Variants in RET observed in about 807,000 individuals in gnomAD.
RET encodes ret proto-oncogene, also known as proto-oncogene tyrosine-protein kinase receptor Ret.
In RET, 19 loss-of-function variants were observed where a neutral mutation model predicts 118.3. The ratio of observed to expected loss-of-function variants is 0.16; its 90% CI spans 0.11 to 0.24. RET has a LOEUF of 0.24. RET is among the 10% of genes least tolerant of loss of function. The pLI is 1.00. For synonymous variants in RET, 597 were observed against 644.1 expected, an observed-to-expected ratio of 0.93 and a Z score of 1.11; for missense variants, 1,219 against 1,502.1, an observed-to-expected ratio of 0.81 and a Z score of 3.12.
intron 5 of RET, among the ~76,000 whole-genome samples, chr10:43,107,791 A>T (rs1056405425): frequency 1.3e-5 from 2 of 152,192 alleles, no homozygotes; most frequent in Non-Finnish European, 2.9e-5. Flanking sequence ...AAGCAAGGAC[A>T]TAAATCAACA....
At chr10:43,086,384 C>T (rs1378185512) in intron 1 of RET, among the ~76,000 whole-genome samples, 1 of 152,210 alleles carries the variant, frequency 6.6e-6, no homozygotes, top group East Asian at 1.9e-4. Flanking sequence ...ACCATCTCAG[C>T]TTGAGGAACA....
chr10:43,104,884 C>G, intron 3 of RET, 68 bp from the exon 4 acceptor site: 1 of 1,532,502 alleles, frequency 6.5e-7, no homozygotes, highest in South Asian at 1.2e-5. Context: ...GAGCCCCCTT[C>G]CCGAGGAAAG....
At chr10:43,104,118 C>T (rs939394812) in intron 3 of RET, among the ~76,000 whole-genome samples, 1 of 152,154 alleles carries the variant, frequency 6.6e-6, no homozygotes. Context: ...AGCCTGGCGA[C>T]GCACTGGACA....
chr10:43,105,339 C>G (rs1837745296), intron 4 of RET, 146 bp downstream of exon 4: 1 of 1,297,972 alleles, frequency 7.7e-7, no homozygotes, highest in South Asian at 1.3e-5. Context: ...TCTGCGCCGT[C>G]TGTCCTAGGG....
In RET at chr10:43,130,341, G is replaced by A. The variant is rs542427089; in HGVS notation, c.*2072G>A. The stretch of plus-strand genomic sequence containing the variant: ...AAATCAGTTGTGTAAATAAAATCAT[G>A]TATCATAAAATGTGTAAACTTTTTT... On this transcript the variant is annotated 3_prime_UTR_variant, in exon 20 of 20. Coordinates refer to ENST00000355710, the MANE Select transcript of RET (RefSeq NM_020975.6). The A allele has an allele frequency of 3.5e-6, 1 of 288,034 alleles. No individual in the cohort carries two copies. Among genetic ancestry groups the A allele is most frequent in the Non-Finnish European group, 6.4e-6 (1 of 156,314 alleles). 17.8% of individuals were successfully genotyped at this position (288,034 alleles called of 1,614,324 possible). A position where few individuals can be genotyped will look rare whatever the true frequency, so the allele number is the denominator to read the frequency against.
Position 43,093,880 on chromosome 10 carries a change from G to C in RET, c.74-6579G>C, listed in dbSNP as rs560089355. Among the ~76,000 whole-genome samples, 49 of 152,244 alleles carry C rather than the reference G, an allele frequency of 3.2e-4. 1 individual carries two copies. The South Asian group carries it at 7.1e-3, about 22-fold the overall frequency. Reference sequence around the variant, plus strand: ...CGTCAAAAAATGAGGCAAGAAGAAGGCCAGGCGCAGGCTCCTGCTGGTGGG... The same window carrying C: ...CGTCAAAAAATGAGGCAAGAAGAAGCCCAGGCGCAGGCTCCTGCTGGTGGG... On this transcript the variant is annotated intron_variant, in intron 1 of 19. Coordinates refer to ENST00000355710, the MANE Select transcript of RET (RefSeq NM_020975.6).
chr10:43,121,879 TCTC>T, intron 15 of RET, 64 bp from the exon 16 acceptor site: 1 of 1,255,230 alleles, frequency 8.0e-7, no homozygotes, highest in South Asian at 1.2e-5. Context: ...GGCCTGGCCT[TCTC>T]CTTTACCCCT....
At chr10:43,088,936 C>T (rs748477524) in intron 1 of RET, among the ~76,000 whole-genome samples, 81 of 152,352 alleles carry the variant, frequency 5.3e-4, no homozygotes, top group Middle Eastern at 3.4e-3. Context: ...CCTCCTTTCA[C>T]TCTGGCTCTG....
chr10:43,121,837 C>A, intron 15 of RET, 109 bp from the exon 16 acceptor site: 1 of 818,052 alleles, frequency 1.2e-6, no homozygotes, highest in South Asian at 1.3e-5. Flanking sequence ...GTGTCTACAG[C>A]ACTCCTCTGG....
At position 43,077,126 on chromosome 10, in the gene RET, C is replaced by T. The variant is rs1588848346; in HGVS notation, c.-133C>T. 3.2e-6 allele frequency: 4 copies of T among 1,237,208 alleles called. No homozygotes were observed. Among genetic ancestry groups the T allele is most frequent in the Non-Finnish European group, 4.1e-6 (4 of 971,124 alleles). The allele number at this position is 1,237,208 out of a possible 1,614,324, so 76.6% of individuals were successfully genotyped here. A position where few individuals can be genotyped will look rare whatever the true frequency, so the allele number is the denominator to read the frequency against. The stretch of plus-strand genomic sequence containing the variant: ...GCTGAGTGCCCCGGAACGTGCGTCG[C>T]GCCCCCAGTGTCCGTCGCGTCCGCC... On this transcript the variant is annotated 5_prime_UTR_variant, in exon 1 of 20. Coordinates refer to ENST00000355710, the MANE Select transcript of RET (RefSeq NM_020975.6).
At chr10:43,094,574 G>T (rs183331388) in intron 1 of RET, among the ~76,000 whole-genome samples, 245 of 152,272 alleles carry the variant, frequency 1.6e-3, no homozygotes, top group African/African-American at 5.4e-3. Context: ...CATGGCAAGG[G>T]TGACCTCACA....
At chr10:43,084,358 C>T (rs778621113) in intron 1 of RET, among the ~76,000 whole-genome samples, 2 of 152,244 alleles carry the variant, frequency 1.3e-5, no homozygotes, top group Non-Finnish European at 2.9e-5. Context: ...CTCACCACCA[C>T]GCATTATTCT....
At chr10:43,103,595 CTAACTT>C (rs1837690938) in intron 3 of RET, among the ~76,000 whole-genome samples, 1 of 152,180 alleles carries the variant, frequency 6.6e-6, no homozygotes, top group Non-Finnish European at 1.5e-5. Context: ...TAAATTCACA[CTAACTT>C]TATCACACAA....
intron 19 of RET, chr10:43,127,433 T>C: frequency 9.5e-7 from 1 of 1,056,014 alleles, no homozygotes; most frequent in Middle Eastern, 4.3e-4. Context: ...GGTGCTGTGG[T>C]CTTACAATGG....
chr10:43,118,895 G>T (rs1215976996), intron 13 of RET, among the ~76,000 whole-genome samples: 1 of 152,232 alleles, frequency 6.6e-6, no homozygotes, highest in Non-Finnish European at 1.5e-5. Flanking sequence ...CGCCCTGCAT[G>T]GCAGGAACAT....
At position 43,077,344 on chromosome 10, in the gene RET, G is replaced by A. The variant is rs1178273677; in HGVS notation, c.73+13G>A. ...CTGCTAGGCAAAGGTGAGTTCTGCC[G>A]GCCGCCGGCTCCCGCAGGGGCCAGG... On this transcript the variant is annotated intron_variant, in intron 1 of 19. Transcript: ENST00000355710. 4.6e-6 allele frequency: 7 copies of A among 1,505,928 alleles called. No individual in the cohort carries two copies. The highest frequency in any genetic ancestry group is 1.2e-5 in the South Asian group (1 of 81,066). 93.3% of individuals were successfully genotyped at this position (1,505,928 alleles called of 1,614,324 possible).
chr10:43,100,310 T>C, intron 1 of RET, 149 bp from the exon 2 acceptor site: 1 of 900,400 alleles, frequency 1.1e-6, no homozygotes, highest in Non-Finnish European at 1.7e-6. Context: ...CGTGTGTAAC[T>C]ATACAAATAA....
At chr10:43,098,215 C>T (rs1451668834) in intron 1 of RET, among the ~76,000 whole-genome samples, 1 of 152,186 alleles carries the variant, frequency 6.6e-6, no homozygotes. Context: ...AACTTAAACT[C>T]TGTCCCTATC....
At chr10:43,089,079 G>T (rs148646502) in intron 1 of RET, among the ~76,000 whole-genome samples, 2 of 152,224 alleles carry the variant, frequency 1.3e-5, no homozygotes, top group African/African-American at 4.8e-5. Context: ...AACGGGCAGC[G>T]TGGGGCAGCC....
Sources: allele counts gnomAD v4.1 joint callset (sites outside exome capture counted in the v4.1 genomes callset), GRCh38; gene constraint gnomAD v4.1.1; transcripts MANE v1.5; gene names NCBI Gene and HGNC (gene_info 2026-07-23, HGNC 2026-07-21).